PRKG2: variants seen among roughly 807,000 people sequenced by gnomAD.
The protein encoded by PRKG2 is cGMP-dependent protein kinase 2.
In PRKG2, 33 loss-of-function variants were observed where a neutral mutation model predicts 97.2. The ratio of observed to expected loss-of-function variants is 0.34; its 90% CI spans 0.26 to 0.45. PRKG2 has a LOEUF of 0.45. PRKG2 is among the 20% of genes least tolerant of loss of function. The pLI is 1.00. For synonymous variants in PRKG2, 330 were observed against 321.8 expected, an observed-to-expected ratio of 1.03 and a Z score of -0.27; for missense variants, 638 against 900.0, an observed-to-expected ratio of 0.71 and a Z score of 3.73.
intron 15 of PRKG2, among the ~76,000 whole-genome samples, chr4:81,107,577 A>G (rs1161747861): frequency 6.6e-6 from 1 of 152,156 alleles, no homozygotes; most frequent in South Asian, 2.1e-4. Flanking sequence ...CAGTGGTGCA[A>G]TCTCGGCTCA....
At chr4:81,138,505 C>A (rs1181068720) in intron 12 of PRKG2, among the ~76,000 whole-genome samples, 1 of 151,824 alleles carries the variant, frequency 6.6e-6, no homozygotes, top group East Asian at 1.9e-4. Context: ...TCTCAATGAA[C>A]ATATATATTC....
At chr4:81,106,509 G>A (rs892714165) in intron 15 of PRKG2, among the ~76,000 whole-genome samples, 1 of 152,180 alleles carries the variant, frequency 6.6e-6, no homozygotes, top group African/African-American at 2.4e-5. Flanking sequence ...TGAGCAGGAT[G>A]ATCTAAATTA....
At chr4:81,110,811 G>A (rs1743852588) in intron 14 of PRKG2, among the ~76,000 whole-genome samples, 200 bp from the exon 15 acceptor site, 2 of 149,394 alleles carry the variant, frequency 1.3e-5, no homozygotes, top group East Asian at 1.9e-4. Flanking sequence ...AGACCACCTC[G>A]TGTATTCCTT....
At chr4:81,173,600 A>T (rs2110085933) in intron 3 of PRKG2, among the ~76,000 whole-genome samples, 1 of 152,254 alleles carries the variant, frequency 6.6e-6, no homozygotes, top group Admixed American at 6.5e-5. Flanking sequence ...AATTAAGTAG[A>T]ATGATTCCTT....
intron 17 of PRKG2, among the ~76,000 whole-genome samples, chr4:81,102,606 T>C (rs1234937743): frequency 1.3e-5 from 2 of 152,212 alleles, no homozygotes; most frequent in Non-Finnish European, 2.9e-5. Flanking sequence ...ACAAGCATTT[T>C]GATTCTATAA....
At chr4:81,142,769 G>C (rs759236845) in intron 11 of PRKG2, 25 bp downstream of exon 11, 53 of 1,519,840 alleles carry the variant, frequency 3.5e-5, no homozygotes, top group Non-Finnish European at 4.7e-5. Flanking sequence ...GCTTCTCTCA[G>C]ATGCTTGAAA....
chr4:81,152,069 G>A lies in PRKG2; in HGVS notation c.991-15C>T, dbSNP rs1249228125. The stretch of plus-strand genomic sequence containing the variant: ...GTTACTTTTACCTAAACAATGTTAA[G>A]CAATACAAACAGAAAGAGACTGAAG... On this transcript the variant is annotated splice_polypyrimidine_tract_variant and intron_variant, in intron 7 of 18. Coordinates refer to ENST00000264399, the MANE Select transcript of PRKG2 (RefSeq NM_006259.3). 2 of 1,576,682 alleles carry A rather than the reference G, an allele frequency of 1.3e-6. No homozygotes were observed. Among genetic ancestry groups the A allele is most frequent in the Admixed American group, 3.5e-5 (2 of 57,666 alleles).
chr4:81,156,059 G>C (rs1327050363), intron 6 of PRKG2, among the ~76,000 whole-genome samples: 1 of 151,728 alleles, frequency 6.6e-6, no homozygotes, highest in Non-Finnish European at 1.5e-5. Flanking sequence ...ATAATGACAG[G>C]ATCAAATTCA....
intron 12 of PRKG2, among the ~76,000 whole-genome samples, chr4:81,137,814 T>C (rs911365092): frequency 6.6e-6 from 1 of 152,228 alleles, no homozygotes; most frequent in African/African-American, 2.4e-5. Flanking sequence ...CTACCAAATA[T>C]GTCCTCTCCT....
chr4:81,184,896 T>C (rs371845610), intron 2 of PRKG2, among the ~76,000 whole-genome samples: 2 of 151,958 alleles, frequency 1.3e-5, no homozygotes, highest in Admixed American at 6.6e-5. Context: ...ATATCAGAGA[T>C]TGAAGATCAA....
rs187407451 is a variant in PRKG2 at position 81,129,903 on chromosome 4, G to A, written c.1776+5252C>T. Among the ~76,000 whole-genome samples the A allele has an allele frequency of 3.9e-3, 589 of 152,254 alleles. 3 individuals are homozygous for A. Among genetic ancestry groups the A allele is most frequent in the Non-Finnish European group, 4.6e-3 (313 of 68,016 alleles). ...TGATAGCTGCTTATTTTGCCCATTA[G>A]TTGATGCGGTTTCTTCATAGTGTCG... On this transcript the variant is annotated intron_variant, in intron 14 of 18. Coordinates refer to ENST00000264399, the MANE Select transcript of PRKG2 (RefSeq NM_006259.3).
intron 14 of PRKG2, among the ~76,000 whole-genome samples, chr4:81,123,114 T>G (rs1745222678): frequency 6.6e-6 from 1 of 152,254 alleles, no homozygotes; most frequent in South Asian, 2.1e-4. Flanking sequence ...CTTCTAAAGC[T>G]TTAGTGATTT....
chr4:81,099,988 C>T (rs201813594), intron 17 of PRKG2, among the ~76,000 whole-genome samples: 3 of 152,008 alleles, frequency 2.0e-5, no homozygotes, highest in Admixed American at 1.3e-4. Flanking sequence ...ATAAAATACC[C>T]AGGAATCCAA....
intron 14 of PRKG2, among the ~76,000 whole-genome samples, chr4:81,111,481 T>C (rs997978376): frequency 6.7e-6 from 1 of 150,140 alleles, no homozygotes; most frequent in African/African-American, 2.5e-5. Flanking sequence ...CATGATATAA[T>C]TGAAGAAAGT....
chr4:81,157,196 GA>G (rs923709475), intron 6 of PRKG2, among the ~76,000 whole-genome samples: 5 of 151,346 alleles, frequency 3.3e-5, no homozygotes, highest in African/African-American at 4.9e-5. Context: ...GATTAATAAA[GA>G]AAAAAAGAGA....
chr4:81,097,367 A>T (rs1742228009), intron 17 of PRKG2, among the ~76,000 whole-genome samples: 1 of 152,188 alleles, frequency 6.6e-6, no homozygotes. Context: ...TCAGTAAACC[A>T]TTCTGTAAAC....
chr4:81,135,831 A>ATT (rs369635739), intron 13 of PRKG2, among the ~76,000 whole-genome samples: 3 of 145,206 alleles, frequency 2.1e-5, no homozygotes, highest in African/African-American at 7.5e-5. Context: ...TACAGACTGG[A>ATT]TTTTTTTTTT....
At chr4:81,169,869 T>C in intron 4 of PRKG2, 101 bp from the exon 5 acceptor site, 2 of 680,190 alleles carry the variant, frequency 2.9e-6, no homozygotes, top group Non-Finnish European at 4.6e-6. Context: ...TATAAAATGG[T>C]ACTTCTTGGA....
intron 5 of PRKG2, among the ~76,000 whole-genome samples, chr4:81,168,700 C>G (rs777975457): frequency 8.5e-5 from 13 of 152,064 alleles, no homozygotes; most frequent in Non-Finnish European, 1.8e-4. Context: ...TTGCAGCTCT[C>G]TGCCAGGAGA....
Sources: allele counts gnomAD v4.1 joint callset (sites outside exome capture counted in the v4.1 genomes callset), GRCh38; gene constraint gnomAD v4.1.1; transcripts MANE v1.5; gene names NCBI Gene and HGNC (gene_info 2026-07-23, HGNC 2026-07-21).